Variants in CACNG5 observed in about 807,000 individuals in gnomAD.
The protein encoded by CACNG5 is calcium voltage-gated channel auxiliary subunit gamma 5, also known as voltage-dependent calcium channel gamma-5 subunit.
Under a neutral mutation model 24.8 loss-of-function variants are expected in CACNG5, and 18 were observed. The observed-to-expected ratio is 0.73, with a 90% CI of 0.50 to 1.08. The LOEUF (loss-of-function observed/expected upper bound fraction) is 1.08. Ranked by LOEUF, CACNG5 falls within the 50% of genes least tolerant of loss-of-function variation. CACNG5 has a pLI of 0.00. For missense variants in CACNG5, 349 were observed against 367.9 expected, an observed-to-expected ratio of 0.95 and a Z score of 0.42; for synonymous variants, 157 against 149.1, an observed-to-expected ratio of 1.05 and a Z score of -0.39.
chr17:66,842,445 T>C (rs955454551), intron 1 of CACNG5, among the ~76,000 whole-genome samples: 7 of 152,194 alleles, frequency 4.6e-5, no homozygotes, highest in Admixed American at 2.6e-4. Flanking sequence ...TGCCCACAGC[T>C]ACCCACTTAA....
chr17:66,854,443 A>G (rs1976745102), intron 1 of CACNG5, among the ~76,000 whole-genome samples: 1 of 148,614 alleles, frequency 6.7e-6, no homozygotes, highest in Non-Finnish European at 1.5e-5. Flanking sequence ...AAAAATAGTG[A>G]AAAGATTGGG....
intron 1 of CACNG5, among the ~76,000 whole-genome samples, chr17:66,871,659 G>C (rs1248650818): frequency 6.6e-6 from 1 of 152,092 alleles, no homozygotes; most frequent in African/African-American, 2.4e-5. Flanking sequence ...AGGTAATGGC[G>C]CCTGGGTAAT....
At chr17:66,863,653 C>A (rs1266527678) in intron 1 of CACNG5, among the ~76,000 whole-genome samples, 1 of 152,228 alleles carries the variant, frequency 6.6e-6, no homozygotes, top group Non-Finnish European at 1.5e-5. Context: ...AGGCATGAGC[C>A]ACCATCTCTG....
At chr17:66,845,474 C>CA (rs987526838) in intron 1 of CACNG5, among the ~76,000 whole-genome samples, 3 of 134,968 alleles carry the variant, frequency 2.2e-5, no homozygotes, top group African/African-American at 8.2e-5. Flanking sequence ...AAAAAAAAAA[C>CA]AAAAAACTAT....
intron 1 of CACNG5, among the ~76,000 whole-genome samples, chr17:66,856,831 C>T (rs1976785292): frequency 6.6e-6 from 1 of 151,938 alleles, no homozygotes; most frequent in African/African-American, 2.4e-5. Flanking sequence ...GTGTGAGCCA[C>T]CACACCTGAC....
chr17:66,863,610 G>C (rs545760840), intron 1 of CACNG5, among the ~76,000 whole-genome samples: 1 of 152,154 alleles, frequency 6.6e-6, no homozygotes, highest in South Asian at 2.1e-4. Context: ...CAGGTGATCT[G>C]CCCACCTCAT....
At chr17:66,853,871 A>G (rs138556535) in intron 1 of CACNG5, among the ~76,000 whole-genome samples, 11 of 152,312 alleles carry the variant, frequency 7.2e-5, no homozygotes, top group Admixed American at 7.2e-4. Flanking sequence ...TTCTCTTTCA[A>G]ATTAGACAAG....
intron 1 of CACNG5, among the ~76,000 whole-genome samples, chr17:66,856,143 T>G (rs1976772577): frequency 6.6e-6 from 1 of 152,228 alleles, no homozygotes; most frequent in African/African-American, 2.4e-5. Flanking sequence ...ATCAACATTT[T>G]TGTGTATTTT....
chr17:66,848,719 C>A lies in CACNG5; in HGVS notation c.-104+13469C>A, dbSNP rs1298058336. 2.0e-5 allele frequency among the ~76,000 whole-genome samples: 3 copies of A among 152,176 alleles called. No individual in the cohort carries two copies. In the East Asian group the frequency reaches 5.8e-4, roughly 29 times the overall value. On this transcript the variant is annotated intron_variant, in intron 1 of 5. Coordinates refer to ENST00000533854, the MANE Select transcript of CACNG5 (RefSeq NM_145811.3). ...CCCCTCCTTGGACCTTCTCCCCCAGCCCCTACCCCAGCTGGTGACCCAAGT... is the reference window on the plus strand; with the variant it reads ...CCCCTCCTTGGACCTTCTCCCCCAGACCCTACCCCAGCTGGTGACCCAAGT...
chr17:66,843,652 G>T (rs940071795), intron 1 of CACNG5, among the ~76,000 whole-genome samples: 1 of 152,120 alleles, frequency 6.6e-6, no homozygotes, highest in Non-Finnish European at 1.5e-5. Context: ...ATGCTGCAGG[G>T]GGGTGGTCCT....
intron 1 of CACNG5, among the ~76,000 whole-genome samples, chr17:66,841,610 C>A (rs1410342558): frequency 6.6e-6 from 1 of 152,108 alleles, no homozygotes; most frequent in Admixed American, 6.5e-5. Context: ...GAGATGCCTC[C>A]TGCCCAGGAA....
At chr17:66,884,733 A>G in intron 5 of CACNG5, 72 bp downstream of exon 5, 2 of 1,613,842 alleles carry the variant, frequency 1.2e-6, no homozygotes, top group Admixed American at 1.7e-5. Flanking sequence ...GAGAGTGGGG[A>G]TGGGGGAGAA....
At position 66,889,695 on chromosome 17, in the gene CACNG5, C is replaced by T. The variant is rs183968197; in HGVS notation, c.*4455C>T. On this transcript the variant is annotated 3_prime_UTR_variant, in exon 6 of 6. Coordinates refer to ENST00000533854, the MANE Select transcript of CACNG5 (RefSeq NM_145811.3). ...AGTCTCCTGGCAGAAATCCTGGCTGCTCAGGGGAGGTCAGCCTTTGTTCTA... is the reference window on the plus strand; with the variant it reads ...AGTCTCCTGGCAGAAATCCTGGCTGTTCAGGGGAGGTCAGCCTTTGTTCTA... Among the ~76,000 whole-genome samples, 88 of 152,306 alleles carry T rather than the reference C, an allele frequency of 5.8e-4. No homozygotes were observed. The highest frequency in any genetic ancestry group is 2.1e-3 in the African/African-American group (87 of 41,554).
At chr17:66,875,514 C>T (rs925071522) in intron 1 of CACNG5, among the ~76,000 whole-genome samples, 1 of 152,134 alleles carries the variant, frequency 6.6e-6, no homozygotes, top group Admixed American at 6.5e-5. Context: ...CAGCGTGCAC[C>T]CCTCAACCCC....
chr17:66,879,307 C>G (rs888974920), intron 3 of CACNG5, among the ~76,000 whole-genome samples: 1 of 152,204 alleles, frequency 6.6e-6, no homozygotes, highest in Admixed American at 6.5e-5. Flanking sequence ...CCCCAGGGAG[C>G]CTGACTTCAT....
In CACNG5 at chr17:66,837,877, G is replaced by A. The variant is rs1004067576; in HGVS notation, c.-104+2627G>A. 1.3e-4 allele frequency among the ~76,000 whole-genome samples: 19 copies of A among 151,958 alleles called. No homozygotes were observed. In the East Asian group the frequency reaches 3.1e-3, roughly 25 times the overall value. ...CCAGGGAGAAGGAGAGGCTTGGGGC[G>A]AGGGGGAAGGGGCAGGCCTCAGGCA... is the stretch of plus-strand genomic sequence containing the variant. On this transcript the variant is annotated intron_variant, in intron 1 of 5. Coordinates refer to ENST00000533854, the MANE Select transcript of CACNG5 (RefSeq NM_145811.3).
At chr17:66,845,611 A>C (rs1454768408) in intron 1 of CACNG5, among the ~76,000 whole-genome samples, 1 of 152,036 alleles carries the variant, frequency 6.6e-6, no homozygotes, top group Admixed American at 6.6e-5. Flanking sequence ...GCACACCTCC[A>C]TCAGCCAACT....
intron 1 of CACNG5, among the ~76,000 whole-genome samples, chr17:66,846,610 C>T (rs1976641254): frequency 6.6e-6 from 1 of 152,154 alleles, no homozygotes; most frequent in South Asian, 2.1e-4. Flanking sequence ...TGTGGATGTA[C>T]CACAGTGTGT....
chr17:66,859,715 C>T (rs2143070080), intron 1 of CACNG5, among the ~76,000 whole-genome samples: 2 of 152,204 alleles, frequency 1.3e-5, no homozygotes, highest in East Asian at 3.9e-4. Context: ...CAGAAAAATA[C>T]ATTTTCTCTT....
Sources: allele counts gnomAD v4.1 joint callset (sites outside exome capture counted in the v4.1 genomes callset), GRCh38; gene constraint gnomAD v4.1.1; transcripts MANE v1.5; gene names NCBI Gene and HGNC (gene_info 2026-07-23, HGNC 2026-07-21).